The following AGAP1 variants were observed in gnomAD, a reference collection of about 807,000 sequenced individuals.
The protein encoded by AGAP1 is ArfGAP with GTPase domain, ankyrin repeat and PH domain 1, also known as arf-GAP with GTPase, ANK repeat and PH domain-containing protein 1.
A neutral mutation model predicts 105.3 loss-of-function variants in AGAP1; 29 were observed. The observed-to-expected ratio is 0.28, with a 90% CI of 0.21 to 0.38. AGAP1 has a LOEUF of 0.38. Among genes scored for constraint, AGAP1 ranks in the 10% least tolerant of loss-of-function variants. The pLI is 1.00. For missense variants in AGAP1, 998 were observed against 1,165.1 expected, an observed-to-expected ratio of 0.86 and a Z score of 2.09; for synonymous variants, 509 against 485.9, an observed-to-expected ratio of 1.05 and a Z score of -0.63.
rs1201262970 is a variant in AGAP1 at position 235,553,649 on chromosome 2, G to A, written c.163+58800G>A. Reference sequence around the variant, plus strand: ...CCCTGGTGACCCAGGTACAGTTTACGTCTGGAGCCAGCATTTGGAAAGTTG... The same window carrying A: ...CCCTGGTGACCCAGGTACAGTTTACATCTGGAGCCAGCATTTGGAAAGTTG... On this transcript the variant is annotated intron_variant, in intron 1 of 17. Transcript: ENST00000304032. This position sits in a 1 kb window ranked among gnomAD's most constrained non-coding sequence, Gnocchi z 4.5. Among the ~76,000 whole-genome samples the A allele has an allele frequency of 1.3e-5, 2 of 151,850 alleles. No homozygotes were observed. The highest frequency in any genetic ancestry group is 2.9e-5 in the Non-Finnish European group (2 of 67,994).
At position 235,557,950 on chromosome 2, in the gene AGAP1, C is replaced by T. The variant is rs185323754; in HGVS notation, c.163+63101C>T. On this transcript the variant is annotated intron_variant, in intron 1 of 17. Transcript: ENST00000304032. This position sits in a 1 kb window ranked among gnomAD's most constrained non-coding sequence, Gnocchi z 4.7. The stretch of plus-strand genomic sequence containing the variant: ...TTTGTGGTCCTGGACAGGTGAGCTC[C>T]CCTCCAGAGGCTGCCTGTTTGTAAA... Among the ~76,000 whole-genome samples the T allele has an allele frequency of 8.1e-4, 124 of 152,304 alleles. 1 individual carries two copies. The highest frequency in any genetic ancestry group is 1.6e-3 in the Non-Finnish European group (106 of 68,018).
chr2:235,839,125 G>C (rs1180169123), intron 9 of AGAP1, among the ~76,000 whole-genome samples: 1 of 152,196 alleles, frequency 6.6e-6, no homozygotes, highest in Non-Finnish European at 1.5e-5. Flanking sequence ...GCTCTCCCCA[G>C]GGGCCTGAGT....
chr2:236,084,596 C>T (rs1021466243), intron 16 of AGAP1, among the ~76,000 whole-genome samples: 2 of 152,194 alleles, frequency 1.3e-5, no homozygotes, highest in African/African-American at 4.8e-5. Context: ...CTATTCACAA[C>T]TCAAATATCA....
chr2:235,735,169 G>A (rs568967255), intron 3 of AGAP1, among the ~76,000 whole-genome samples: 11 of 152,362 alleles, frequency 7.2e-5, no homozygotes, highest in Middle Eastern at 3.4e-3. Flanking sequence ...GATGGCGTTG[G>A]AAGGCACACT....
At chr2:236,079,543 T>G (rs1576252723) in intron 16 of AGAP1, among the ~76,000 whole-genome samples, 1 of 119,258 alleles carries the variant, frequency 8.4e-6, no homozygotes, top group East Asian at 2.6e-4. Context: ...AAAAAAAAAT[T>G]ATATATATAT....
rs181935305 is a variant in AGAP1 at position 235,864,125 on chromosome 2, G to T, written c.1051-19220G>T. The stretch of plus-strand genomic sequence containing the variant: ...CCACGTGATTTAATAAACAGTTGCT[G>T]TAGCATGTGTAATCTTTGCAGTGAC... On this transcript the variant is annotated intron_variant, in intron 9 of 17. Coordinates refer to ENST00000304032, the MANE Select transcript of AGAP1 (RefSeq NM_001037131.3). This position sits in a 1 kb window ranked among gnomAD's most constrained non-coding sequence, Gnocchi z 5.0. Among the ~76,000 whole-genome samples, 13 of 152,330 alleles carry T rather than the reference G, an allele frequency of 8.5e-5. No homozygotes were observed. The highest frequency in any genetic ancestry group is 1.3e-4 in the Non-Finnish European group (9 of 68,034).
At chr2:235,844,484 A>G (rs1429777627) in intron 9 of AGAP1, among the ~76,000 whole-genome samples, 1 of 152,118 alleles carries the variant, frequency 6.6e-6, no homozygotes, top group Non-Finnish European at 1.5e-5. Context: ...GATTCCAAAA[A>G]TCTATTATGC....
intron 1 of AGAP1, among the ~76,000 whole-genome samples, chr2:235,629,346 C>G (rs1240942788): frequency 6.7e-6 from 1 of 148,368 alleles, no homozygotes; most frequent in East Asian, 2.0e-4. Flanking sequence ...GTTTCTTTAT[C>G]CACTTGTTGA....
At position 235,830,683 on chromosome 2, in the gene AGAP1, C is replaced by T. The variant is rs951126872; in HGVS notation, c.1050+23352C>T. Among the ~76,000 whole-genome samples, 9 of 152,226 alleles carry T rather than the reference C, an allele frequency of 5.9e-5. No homozygotes were observed. The highest frequency in any genetic ancestry group is 2.1e-4 in the South Asian group (1 of 4,812). ...TTGAGGTTTCTAGGCCAGCCCAGGA[C>T]GGTGTGCGGCCCCAAGCCACTAACA... is the stretch of plus-strand genomic sequence containing the variant. On this transcript the variant is annotated intron_variant, in intron 9 of 17. Transcript: ENST00000304032. This position sits in a 1 kb window ranked among gnomAD's most constrained non-coding sequence, Gnocchi z 5.5.
At position 235,994,383 on chromosome 2, in the gene AGAP1, C is replaced by T. The variant is rs142412176; in HGVS notation, c.1645+25760C>T. On this transcript the variant is annotated intron_variant, in intron 13 of 17. Coordinates refer to ENST00000304032, the MANE Select transcript of AGAP1 (RefSeq NM_001037131.3). The surrounding 1 kb of genome is among the most constrained non-coding windows in gnomAD (Gnocchi z 4.4). ...TTGATGAAGATAACATAGTTTATAACGCACACCTCAAAATTCATTTCTTCT... is the reference window on the plus strand; with the variant it reads ...TTGATGAAGATAACATAGTTTATAATGCACACCTCAAAATTCATTTCTTCT... Among the ~76,000 whole-genome samples, 33 of 152,262 alleles carry T rather than the reference C, an allele frequency of 2.2e-4. No homozygotes were observed. In the East Asian group the frequency reaches 5.0e-3, roughly 23 times the overall value.
At position 235,691,268 on chromosome 2, in the gene AGAP1, ACTGTCATAT is replaced by A. The variant is rs1358437939; in HGVS notation, c.164-17909_164-17901del. Among the ~76,000 whole-genome samples, 1 of 152,116 alleles carries A rather than the reference ACTGTCATAT, an allele frequency of 6.6e-6. No homozygotes were observed. Among genetic ancestry groups the A allele is most frequent in the Admixed American group, 6.5e-5 (1 of 15,282 alleles). Reference sequence around the variant, plus strand: ...ATAGGGCTCTGTGCCTGGCCCCAGGACTGTCATATCCAGGGAAAGGTCACTCTCTGGCAG... The same window carrying A: ...ATAGGGCTCTGTGCCTGGCCCCAGGACCAGGGAAAGGTCACTCTCTGGCAG... On this transcript the variant is annotated intron_variant, in intron 1 of 17. Coordinates refer to ENST00000304032, the MANE Select transcript of AGAP1 (RefSeq NM_001037131.3). The surrounding 1 kb of genome is among the most constrained non-coding windows in gnomAD (Gnocchi z 4.4).
chr2:235,725,380 G>C lies in AGAP1; in HGVS notation c.310+7736G>C, dbSNP rs1226088087. On this transcript the variant is annotated intron_variant, in intron 3 of 17. Transcript: ENST00000304032. This position sits in a 1 kb window ranked among gnomAD's most constrained non-coding sequence, Gnocchi z 5.7. ...TCTGGGACACATGAAGTGTGTTTAAGCTGTCAGCTCCAAAAACCCTTTCCA... is the reference window on the plus strand; with the variant it reads ...TCTGGGACACATGAAGTGTGTTTAACCTGTCAGCTCCAAAAACCCTTTCCA... Among the ~76,000 whole-genome samples, 1 of 152,056 alleles carries C rather than the reference G, an allele frequency of 6.6e-6. No individual in the cohort carries two copies. Among genetic ancestry groups the C allele is most frequent in the Non-Finnish European group, 1.5e-5 (1 of 68,028 alleles).
chr2:235,646,799 G>T (rs1947402089), intron 1 of AGAP1, among the ~76,000 whole-genome samples: 4 of 152,206 alleles, frequency 2.6e-5, no homozygotes, highest in Admixed American at 2.0e-4. Context: ...CCTGGCCAGT[G>T]TGGAGGGGCC....
Position 235,652,064 on chromosome 2 carries a change from C to T in AGAP1, c.164-57115C>T, listed in dbSNP as rs879899594. ...TGAGAAATACAGGATATTGCAAACC[C>T]TAGACCATATCGAAGGGGGCAAACT... On this transcript the variant is annotated intron_variant, in intron 1 of 17. Coordinates refer to ENST00000304032, the MANE Select transcript of AGAP1 (RefSeq NM_001037131.3). 2.6e-5 allele frequency among the ~76,000 whole-genome samples: 4 copies of T among 152,270 alleles called. No individual in the cohort carries two copies. In the East Asian group the frequency reaches 5.8e-4, roughly 22 times the overall value.
rs556785424 is a variant in AGAP1 at position 235,541,376 on chromosome 2, CTTTTTTTTTTTT to C, written c.163+46545_163+46556del. On this transcript the variant is annotated intron_variant, in intron 1 of 17. Coordinates refer to ENST00000304032, the MANE Select transcript of AGAP1 (RefSeq NM_001037131.3). ...ATTATTTCCTTTTTCCATTCTTATTCTTTTTTTTTTTTTTTTTTTTTTTTTTTTTGAGACGAA... is the reference window on the plus strand; with the variant it reads ...ATTATTTCCTTTTTCCATTCTTATTCTTTTTTTTTTTTTTTTTGAGACGAA... Among the ~76,000 whole-genome samples, 90 of 91,080 alleles carry C rather than the reference CTTTTTTTTTTTT, an allele frequency of 9.9e-4. No homozygotes were observed. The South Asian group carries it at 0.01, about 10-fold the overall frequency. The allele number at this position is 91,080 out of a possible 152,430, so 59.8% of individuals were successfully genotyped here. A position where few individuals can be genotyped will look rare whatever the true frequency, so the allele number is the denominator to read the frequency against.
At position 236,027,155 on chromosome 2, in the gene AGAP1, T is replaced by C. The variant is rs781122270; in HGVS notation, c.1646-9406T>C. On this transcript the variant is annotated intron_variant, in intron 13 of 17. Coordinates refer to ENST00000304032, the MANE Select transcript of AGAP1 (RefSeq NM_001037131.3). This position sits in a 1 kb window ranked among gnomAD's most constrained non-coding sequence, Gnocchi z 4.4. ...TGCTCTATAATCCTTGTACTTATTT[T>C]TTTTAATCTTGGGAGGCAGAGAAAA... 6.6e-6 allele frequency among the ~76,000 whole-genome samples: 1 copy of C among 152,206 alleles called. No individual in the cohort carries two copies. The highest frequency in any genetic ancestry group is 1.5e-5 in the Non-Finnish European group (1 of 68,034).
chr2:235,934,401 G>A lies in AGAP1; in HGVS notation c.1483+3478G>A, dbSNP rs1344126779. On this transcript the variant is annotated intron_variant, in intron 12 of 17. Transcript: ENST00000304032. This position sits in a 1 kb window ranked among gnomAD's most constrained non-coding sequence, Gnocchi z 4.9. ...CGCATCCTTGTCTGTCTGCGCCGAG[G>A]GTACCATCCCGGCGTCCCTCTGGTT... is the stretch of plus-strand genomic sequence containing the variant. Among the ~76,000 whole-genome samples the A allele has an allele frequency of 1.3e-5, 2 of 152,144 alleles. No individual in the cohort carries two copies. The highest frequency in any genetic ancestry group is 4.8e-5 in the African/African-American group (2 of 41,444).
chr2:236,006,448 G>A (rs1479976281), intron 13 of AGAP1, among the ~76,000 whole-genome samples: 2 of 152,174 alleles, frequency 1.3e-5, no homozygotes, highest in African/African-American at 2.4e-5. Flanking sequence ...AACGAAATGT[G>A]TGTATACTAA....
In AGAP1 at chr2:235,620,604, C is replaced by T. The variant is rs1946445867; in HGVS notation, c.164-88575C>T. ...ACCCTCCGTGGCACCTGGCCTTCCTCCCAGCCACAGCCCCTCCTCCTCACC... is the reference window on the plus strand; with the variant it reads ...ACCCTCCGTGGCACCTGGCCTTCCTTCCAGCCACAGCCCCTCCTCCTCACC... On this transcript the variant is annotated intron_variant, in intron 1 of 17. Coordinates refer to ENST00000304032, the MANE Select transcript of AGAP1 (RefSeq NM_001037131.3). The surrounding 1 kb of genome is among the most constrained non-coding windows in gnomAD (Gnocchi z 4.5). Among the ~76,000 whole-genome samples, 1 of 152,214 alleles carries T rather than the reference C, an allele frequency of 6.6e-6. No individual in the cohort carries two copies. Among genetic ancestry groups the T allele is most frequent in the Non-Finnish European group, 1.5e-5 (1 of 68,042 alleles).
Sources: allele counts gnomAD v4.1 joint callset (sites outside exome capture counted in the v4.1 genomes callset), GRCh38; gene constraint gnomAD v4.1.1; non-coding constraint Gnocchi (gnomAD v3.1); transcripts MANE v1.5; gene names NCBI Gene and HGNC (gene_info 2026-07-23, HGNC 2026-07-21).